ST18: variants seen among roughly 807,000 people sequenced by gnomAD.
The protein encoded by ST18 is ST18 C2H2C-type zinc finger transcription factor.
Under a neutral mutation model 110.0 loss-of-function variants are expected in ST18, and 50 were observed. The ratio of observed to expected loss-of-function variants is 0.45; its 90% CI spans 0.36 to 0.58. The LOEUF (loss-of-function observed/expected upper bound fraction) is 0.58. Among genes scored for constraint, ST18 ranks in the 20% least tolerant of loss-of-function variants. The pLI, the probability that ST18 is intolerant of heterozygous loss-of-function variation, is 0.00. For missense variants in ST18, 1,306 were observed against 1,280.1 expected, an observed-to-expected ratio of 1.02 and a Z score of -0.31; for synonymous variants, 461 against 452.4, an observed-to-expected ratio of 1.02 and a Z score of -0.24.
chr8:52,329,423 T>C (rs1808102444), intron 2 of ST18, among the ~76,000 whole-genome samples: 1 of 152,150 alleles, frequency 6.6e-6, no homozygotes, highest in Non-Finnish European at 1.5e-5. Context: ...GGATCCTCTC[T>C]GAACACGTTC....
At chr8:52,198,958 C>T (rs1433125169) in intron 8 of ST18, among the ~76,000 whole-genome samples, 3 of 152,126 alleles carry the variant, frequency 2.0e-5, no homozygotes, top group Admixed American at 1.3e-4. Flanking sequence ...GAGCTGTGGG[C>T]ACCTGGAAGT....
At chr8:52,329,283 T>TAAAA (rs368634304) in intron 2 of ST18, among the ~76,000 whole-genome samples, 17 of 128,842 alleles carry the variant, frequency 1.3e-4, no homozygotes, top group African/African-American at 3.7e-4. Context: ...GGAGAAATGG[T>TAAAA]AAAAAAAAAA....
chr8:52,233,531 T>C (rs1433290480), intron 2 of ST18, among the ~76,000 whole-genome samples: 1 of 152,078 alleles, frequency 6.6e-6, no homozygotes, highest in African/African-American at 2.4e-5. Context: ...AAAGTCAAGA[T>C]CCTAATTGAT....
rs372942911 is a variant in ST18, at chr8:52,180,249, T to A, written c.150A>T (p.Pro50=). Residue 50 remains proline (P), a synonymous_variant, in exon 9 of 26, where the codon CCA becomes CCT. Coordinates refer to ENST00000689386, the MANE Select transcript of ST18 (RefSeq NM_001352837.2). ...RTAEDQALGV[P]VNKRKSLLMK... is the part of the protein sequence containing the mutation. ...TTAGCAGGGATTTCCTTTTGTTGAC[T>A]GGAACCCCCAAAGCCTGATCTTCAG... 1.9e-6 allele frequency: 3 copies of A among 1,614,108 alleles called. No individual in the cohort carries two copies. The highest frequency in any genetic ancestry group is 2.5e-6 in the Non-Finnish European group (3 of 1,180,042).
intron 3 of ST18, among the ~76,000 whole-genome samples, chr8:52,223,726 AT>A (rs1368102223): frequency 1.3e-5 from 2 of 152,106 alleles, no homozygotes; most frequent in South Asian, 4.1e-4. Context: ...AAAGTGAAAA[AT>A]TTATTGAAAG....
intron 2 of ST18, among the ~76,000 whole-genome samples, chr8:52,300,696 A>G (rs916406055): frequency 2.0e-5 from 3 of 152,226 alleles, no homozygotes; most frequent in Non-Finnish European, 4.4e-5. Context: ...AATAAATTCT[A>G]TAGGAACCCA....
In ST18 at chr8:52,335,146, C is replaced by A. The variant is rs535614045; in HGVS notation, c.-465+74182G>T. ...AGAGAAATCAGCTATCTTATGACTT[C>A]AGACATCTCTTGATTTTCTAAAATG... On this transcript the variant is annotated intron_variant, in intron 2 of 25. Coordinates refer to ENST00000689386, the MANE Select transcript of ST18 (RefSeq NM_001352837.2). 1.6e-3 allele frequency among the ~76,000 whole-genome samples: 239 copies of A among 152,252 alleles called. 2 individuals carry two copies. Among genetic ancestry groups the A allele is most frequent in the African/African-American group, 5.5e-3 (229 of 41,550 alleles).
At chr8:52,276,696 G>C (rs944205455) in intron 2 of ST18, among the ~76,000 whole-genome samples, 2 of 151,092 alleles carry the variant, frequency 1.3e-5, no homozygotes. Flanking sequence ...TCCACAGGGA[G>C]TTAAATACTC....
chr8:52,371,748 G>C (rs1333763277), intron 2 of ST18, among the ~76,000 whole-genome samples: 5 of 152,106 alleles, frequency 3.3e-5, no homozygotes, highest in Non-Finnish European at 4.4e-5. Flanking sequence ...GACTATAATG[G>C]AGTTGGAAAA....
At chr8:52,123,971 G>A (rs182080467) in intron 23 of ST18, among the ~76,000 whole-genome samples, 119 of 152,288 alleles carry the variant, frequency 7.8e-4, no homozygotes, top group African/African-American at 2.7e-3. Context: ...CTGGGTTCCA[G>A]AAGGAGTTTT....
chr8:52,137,069 A>G (rs2052717096), intron 18 of ST18, among the ~76,000 whole-genome samples: 1 of 152,166 alleles, frequency 6.6e-6, no homozygotes, highest in African/African-American at 2.4e-5. Flanking sequence ...AAATGCTTCA[A>G]TTTGTTATTT....
chr8:52,406,387 G>A (rs536865470), intron 2 of ST18: 2 of 152,610 alleles, frequency 1.3e-5, no homozygotes, highest in South Asian at 2.1e-4. Context: ...GATTCTCACA[G>A]GTCAGCGTGT....
intron 16 of ST18, among the ~76,000 whole-genome samples, chr8:52,147,930 T>C (rs1288939027): frequency 6.6e-6 from 1 of 152,214 alleles, no homozygotes; most frequent in African/African-American, 2.4e-5. Flanking sequence ...ATTGTGCCTC[T>C]TAACCTGTCC....
At chr8:52,157,579 A>G (rs1223078139) in intron 15 of ST18, among the ~76,000 whole-genome samples, 1 of 152,230 alleles carries the variant, frequency 6.6e-6, no homozygotes, top group Non-Finnish European at 1.5e-5. Context: ...CTATGTAAAT[A>G]ATTTGTGACT....
At chr8:52,325,787 T>C (rs1229428828) in intron 2 of ST18, among the ~76,000 whole-genome samples, 1 of 152,204 alleles carries the variant, frequency 6.6e-6, no homozygotes, top group East Asian at 1.9e-4. Flanking sequence ...TTTTCTGTTA[T>C]TACCCATCCT....
intron 2 of ST18, among the ~76,000 whole-genome samples, chr8:52,323,979 G>A (rs1805153669): frequency 6.6e-6 from 1 of 152,182 alleles, no homozygotes; most frequent in African/African-American, 2.4e-5. Context: ...CTTACCACTG[G>A]GGCACATGTC....
rs1832298102 is a variant in ST18, at chr8:52,376,193, C to CTAGTGTG, written c.-465+33134_-465+33135insCACACTA. 2.6e-5 allele frequency among the ~76,000 whole-genome samples: 4 copies of CTAGTGTG among 152,324 alleles called. No individual in the cohort carries two copies. In the South Asian group the frequency reaches 8.3e-4, roughly 32 times the overall value. On this transcript the variant is annotated intron_variant, in intron 2 of 25. Coordinates refer to ENST00000689386, the MANE Select transcript of ST18 (RefSeq NM_001352837.2). ...TCAAAACCTGCAGTGTTTCCCCACA[C>CTAGTGTG]TACTCAGAGTACAAGCCAACACTCT...
chr8:52,156,860 C>T (rs1407608313), intron 15 of ST18, among the ~76,000 whole-genome samples: 1 of 152,206 alleles, frequency 6.6e-6, no homozygotes, highest in Non-Finnish European at 1.5e-5. Context: ...AGACAATTTT[C>T]ATGGGAAAAT....
intron 2 of ST18, among the ~76,000 whole-genome samples, chr8:52,314,680 T>C (rs1276532411): frequency 6.6e-6 from 1 of 152,168 alleles, no homozygotes; most frequent in Admixed American, 6.5e-5. Flanking sequence ...CAACCAACCA[T>C]GGCCTCCATC....
Sources: allele counts gnomAD v4.1 joint callset (sites outside exome capture counted in the v4.1 genomes callset), GRCh38; gene constraint gnomAD v4.1.1; transcripts MANE v1.5; gene names NCBI Gene and HGNC (gene_info 2026-07-23, HGNC 2026-07-21).